Variants in RBM12B observed in about 807,000 individuals in gnomAD.
The protein encoded by RBM12B is RNA binding motif protein 12B.
In RBM12B, 10 loss-of-function variants were observed where a neutral mutation model predicts 34.3. The ratio of observed to expected loss-of-function variants is 0.29; its 90% CI spans 0.18 to 0.49. RBM12B has a LOEUF of 0.49. Among genes scored for constraint, RBM12B ranks in the 20% least tolerant of loss-of-function variants. RBM12B has a pLI of 0.99. For missense variants in RBM12B, 1,139 were observed against 1,262.7 expected (o/e 0.90, Z 1.48); for synonymous variants, 477 against 437.1 (o/e 1.09, Z -1.14).
At position 93,734,307 on chromosome 8, in the gene RBM12B, G is replaced by T; in HGVS notation, c.2104C>A (p.Pro702Thr). 1 of 1,613,570 alleles carries T rather than the reference G, an allele frequency of 6.2e-7. No individual in the cohort carries two copies. Among genetic ancestry groups the T allele is most frequent in the Non-Finnish European group, 8.5e-7 (1 of 1,179,810 alleles). Residue 702 changes from proline (P) to threonine (T), a missense_variant, in exon 4 of 4, where the codon CCC (proline) becomes ACC (threonine). Physicochemically the swap from Pro to Thr is conservative, Grantham distance 38 (BLOSUM62 -1). Transcript: ENST00000520560. ...GAATGCCTGAAATCCTCCTCTGGGG[G>T]CCGCCTGAAGTCATCCTCGGGTGGT... The part of the protein sequence containing the change: ...RRPPEDDFRR[P>T]PEEDFRHSPE...
Position 93,735,496 on chromosome 8 carries a change from T to C in RBM12B, c.915A>G (p.Arg305=). 1 of 1,613,424 alleles carries C rather than the reference T, an allele frequency of 6.2e-7. No individual in the cohort carries two copies. Among genetic ancestry groups the C allele is most frequent in the Non-Finnish European group, 8.5e-7 (1 of 1,179,590 alleles). ...IDERDLRNFF[R]GTDLTDEQIR... ...TCTGTTCATCAGTCAGATCAGTACC[T>C]CTAAAGAAATTTCTTAAATCTCTTT... is the stretch of plus-strand genomic sequence containing the variant. The change falls in exon 4 of 4, where the codon AGA becomes AGG. Residue 305 remains arginine (R), a synonymous_variant. Coordinates refer to ENST00000520560, the MANE Select transcript of RBM12B (RefSeq NM_001377960.1).
In RBM12B at chr8:93,731,866, TAGAA is replaced by T. The variant is rs1057013885; in HGVS notation, c.*1535_*1538del. The T allele has an allele frequency of 1.3e-5, 2 of 152,534 alleles. No homozygotes were observed. The highest frequency in any genetic ancestry group is 2.4e-5 in the African/African-American group (1 of 41,442). 9.4% of individuals were successfully genotyped at this position (152,534 alleles called of 1,614,324 possible). ...TGAGTATCCCAAGAGAAACCCTGGA[TAGAA>T]AGAAACTTTTAAAGTCACTCTTTTT... is the stretch of plus-strand genomic sequence containing the variant. On this transcript the variant is annotated 3_prime_UTR_variant, in exon 4 of 4. Coordinates refer to ENST00000520560, the MANE Select transcript of RBM12B (RefSeq NM_001377960.1).
In RBM12B at chr8:93,734,302, T is replaced by TG. The variant is rs1233162870; in HGVS notation, c.2108dup (p.Glu704ArgfsTer9). On this transcript the variant is annotated frameshift_variant, in exon 4 of 4. Coordinates refer to ENST00000520560, the MANE Select transcript of RBM12B (RefSeq NM_001377960.1). LOFTEE classifies it high-confidence loss of function. Reference sequence around the variant, plus strand: ...CAGGGGAATGCCTGAAATCCTCCTCTGGGGGCCGCCTGAAGTCATCCTCGG... The same window carrying TG: ...CAGGGGAATGCCTGAAATCCTCCTCTGGGGGGCCGCCTGAAGTCATCCTCGG... The TG allele has an allele frequency of 6.2e-7, 1 of 1,609,934 alleles. No individual in the cohort carries two copies. The highest frequency in any genetic ancestry group is 8.5e-7 in the Non-Finnish European group (1 of 1,178,608).
At position 93,734,470 on chromosome 8, in the gene RBM12B, G is replaced by T. The variant is rs3133974; in HGVS notation, c.1941C>A (p.Pro647=). 459,322 of 1,611,934 alleles carry T rather than the reference G, an allele frequency of 0.28. 66,356 individuals carry two copies. Among genetic ancestry groups the T allele is most frequent in the South Asian group, 0.35 (31,415 of 91,030 alleles). ...CAGGGGGTTGCCTGAAGTCCTCCTC[G>T]GGGAGCTGCCTGAAGTCCTCCGTGG... ...RSPTEDFRQL[P]EEDFRQPPEE... Residue 647 remains proline (P), a synonymous_variant, in exon 4 of 4, where the codon CCC becomes CCA. Coordinates refer to ENST00000520560, the MANE Select transcript of RBM12B (RefSeq NM_001377960.1).
chr8:93,728,256 G>A lies in RBM12B; in HGVS notation c.*5149C>T. ...TCAACAAGCAGAAGATGATGAGGAT[G>A]ACGAGTTAGATGTTACAGAAGAAGA... On this transcript the variant is annotated 3_prime_UTR_variant, in exon 4 of 4. Transcript: ENST00000520560. The A allele has an allele frequency of 6.3e-7, 1 of 1,598,766 alleles. No individual in the cohort carries two copies. Among genetic ancestry groups the A allele is most frequent in the Non-Finnish European group, 8.5e-7 (1 of 1,175,666 alleles).
intron 2 of RBM12B, among the ~76,000 whole-genome samples, chr8:93,739,882 G>A (rs975546780): frequency 2.0e-5 from 3 of 152,112 alleles, no homozygotes; most frequent in Non-Finnish European, 4.4e-5. Flanking sequence ...TAAACAATAC[G>A]TAACGTGCCT....
chr8:93,734,681 T>G lies in RBM12B; in HGVS notation c.1730A>C (p.Glu577Ala), dbSNP rs772276076. The stretch of plus-strand genomic sequence containing the variant: ...TTCCTCCCTAGGTCGCCTGAAGTCC[T>G]CTGGGGAGTGCCTGAAGTCCTCCGG... ...FPPEDFRHSPEDFRRPREEDF... is the reference protein window; with the variant it reads ...FPPEDFRHSPADFRRPREEDF... Residue 577 changes from glutamate (E) to alanine (A), a missense_variant, in exon 4 of 4, where the codon GAG becomes GCG. Physicochemically the swap from Glu to Ala is moderately radical, Grantham distance 107. This residue lies in a region of RBM12B where 863 missense variants were observed against 869.5 expected (regional missense o/e 0.99). Coordinates refer to ENST00000520560, the MANE Select transcript of RBM12B (RefSeq NM_001377960.1). 3.7e-6 allele frequency: 6 copies of G among 1,613,258 alleles called. No individual in the cohort carries two copies. The African/African-American group carries it at 8.0e-5, about 22-fold the overall frequency.
rs761844314 is a variant in RBM12B at position 93,733,461 on chromosome 8, T to C, written c.2950A>G (p.Lys984Glu). Reference protein sequence around the residue: ...INYNEAMAAIKDLNDRPVGPR... With the variant: ...INYNEAMAAIEDLNDRPVGPR... The stretch of plus-strand genomic sequence containing the variant: ...CCAACTGGCCTATCATTTAGATCTT[T>C]AATAGCAGCCATAGCTTCATTATAG... The change falls in exon 4 of 4, where the codon AAA (lysine) becomes GAA (glutamate). Residue 984 changes from lysine (K) to glutamate (E), a missense_variant. Physicochemically the swap from Lys to Glu is moderately conservative, Grantham distance 56. Coordinates refer to ENST00000520560, the MANE Select transcript of RBM12B (RefSeq NM_001377960.1). 6.3e-7 allele frequency: 1 copy of C among 1,581,880 alleles called. No homozygotes were observed. Among genetic ancestry groups the C allele is most frequent in the South Asian group, 1.2e-5 (1 of 86,858 alleles).
Position 93,736,307 on chromosome 8 carries a change from A to G in RBM12B, c.104T>C (p.Ile35Thr). The G allele has an allele frequency of 6.2e-7, 1 of 1,614,104 alleles. No individual in the cohort carries two copies. Among genetic ancestry groups the G allele is most frequent in the South Asian group, 1.1e-5 (1 of 91,088 alleles). The change falls in exon 4 of 4, where the codon ATA becomes ACA. Residue 35 changes from isoleucine to threonine, a missense_variant. Ile to Thr is a moderately conservative substitution (Grantham distance 89, BLOSUM62 -1). Transcript: ENST00000520560. Reference sequence around the variant, plus strand: ...AGCCTCCCCAATTTCCCCTCCAATTATATGCACTCCTCCATCAGGAATAGT... The same window carrying G: ...AGCCTCCCCAATTTCCCCTCCAATTGTATGCACTCCTCCATCAGGAATAGT... ...GLTIPDGGVH[I>T]IGGEIGEAFI...
intron 2 of RBM12B, 62 bp downstream of exon 2, chr8:93,740,567 T>C (rs912314855): frequency 2.2e-6 from 1 of 455,200 alleles, no homozygotes; most frequent in Admixed American, 2.4e-5. Context: ...CCTAACGAGC[T>C]GGGCCTGCAG....
chr8:93,728,219 A>G lies in RBM12B; in HGVS notation c.*5186T>C. 2 of 1,589,748 alleles carry G rather than the reference A, an allele frequency of 1.3e-6. No homozygotes were observed. Among genetic ancestry groups the G allele is most frequent in the African/African-American group, 1.4e-5 (1 of 73,542 alleles). ...ACTTTTAACAGGTATCCACTTGTCGACTAAGAAAGGATCAACAAGCAGAAG... is the reference window on the plus strand; with the variant it reads ...ACTTTTAACAGGTATCCACTTGTCGGCTAAGAAAGGATCAACAAGCAGAAG... On this transcript the variant is annotated 3_prime_UTR_variant, in exon 4 of 4. Transcript: ENST00000520560.
At chr8:93,738,376 T>C (rs1812088425) in intron 2 of RBM12B, among the ~76,000 whole-genome samples, 1 of 152,250 alleles carries the variant, frequency 6.6e-6, no homozygotes, top group Non-Finnish European at 1.5e-5. Flanking sequence ...TGTAATTTTT[T>C]AAAGAAGTTT....
chr8:93,740,621 A>ATTTTT lies in RBM12B; in HGVS notation c.-78+7_-78+8insAAAAA. ...GACTACGATGACATAGCAAAGAAAAAAATATACCTATGAAATCCTTCGAGA... is the reference window on the plus strand; with the variant it reads ...GACTACGATGACATAGCAAAGAAAAATTTTTAATATACCTATGAAATCCTTCGAGA... On this transcript the variant is annotated splice_region_variant and intron_variant, in intron 2 of 3. Coordinates refer to ENST00000520560, the MANE Select transcript of RBM12B (RefSeq NM_001377960.1). 2 of 404,444 alleles carry ATTTTT rather than the reference A, an allele frequency of 4.9e-6. No homozygotes were observed. Among genetic ancestry groups the ATTTTT allele is most frequent in the South Asian group, 1.8e-5 (1 of 56,172 alleles). 25.1% of individuals were successfully genotyped at this position (404,444 alleles called of 1,614,324 possible).
rs1384822734 is a variant in RBM12B, at chr8:93,733,948, G to C, written c.2463C>G (p.His821Gln). 2 of 1,612,878 alleles carry C rather than the reference G, an allele frequency of 1.2e-6. No individual in the cohort carries two copies. Among genetic ancestry groups the C allele is most frequent in the South Asian group, 2.2e-5 (2 of 91,010 alleles). Residue 821 changes from histidine to glutamine, a missense_variant, in exon 4 of 4, where the codon CAC becomes CAG. Around this residue, in one of 3 missense-constraint regions of RBM12B, gnomAD observed 863 missense variants for 869.5 expected, o/e 0.99. Coordinates refer to ENST00000520560, the MANE Select transcript of RBM12B (RefSeq NM_001377960.1). ...FRGPPDEDFR[H>Q]PPDEDFRSPQ... ...GGCTCCTGAAGTCCTCATCAGGAGGGTGCCTAAAGTCTTCATCAGGAGGGC... is the reference window on the plus strand; with the variant it reads ...GGCTCCTGAAGTCCTCATCAGGAGGCTGCCTAAAGTCTTCATCAGGAGGGC...
Position 93,729,260 on chromosome 8 carries a change from C to T in RBM12B, c.*4145G>A, listed in dbSNP as rs1811690345. 1 of 152,062 alleles carries T rather than the reference C, an allele frequency of 6.6e-6. No individual in the cohort carries two copies. The highest frequency in any genetic ancestry group is 2.4e-5 in the African/African-American group (1 of 41,414). 9.4% of individuals were successfully genotyped at this position (152,062 alleles called of 1,614,324 possible). A position where few individuals can be genotyped will look rare whatever the true frequency, so the allele number is the denominator to read the frequency against. ...CTTTCTAGAAAGCTTCTGACTTTGT[C>T]AATCATGGCTCTGTTCTTAACAAAG... On this transcript the variant is annotated 3_prime_UTR_variant, in exon 4 of 4. Transcript: ENST00000520560.
chr8:93,734,118 G>T lies in RBM12B; in HGVS notation c.2293C>A (p.Arg765=), dbSNP rs772684843. ...CGCCTGAAATGCTCTGGGGGTGGCC[G>T]CCTGAAGTGCTCTGGGGGTGGCCGC... is the stretch of plus-strand genomic sequence containing the variant. ...FRRPPPEHFR[R]PPPEHFRRPP... Residue 765 remains arginine, a synonymous_variant, in exon 4 of 4, where the codon CGG becomes AGG. Coordinates refer to ENST00000520560, the MANE Select transcript of RBM12B (RefSeq NM_001377960.1). 1 of 1,558,006 alleles carries T rather than the reference G, an allele frequency of 6.4e-7. No homozygotes were observed. The highest frequency in any genetic ancestry group is 8.7e-7 in the Non-Finnish European group (1 of 1,154,010).
At position 93,740,629 on chromosome 8, in the gene RBM12B, C is replaced by T. The variant is rs1041653916; in HGVS notation, c.-78G>A. 9 of 387,602 alleles carry T rather than the reference C, an allele frequency of 2.3e-5. No individual in the cohort carries two copies. The Admixed American group carries it at 2.6e-4, about 11-fold the overall frequency. The allele number at this position is 387,602 out of a possible 1,614,324, so 24.0% of individuals were successfully genotyped here. ...TGACATAGCAAAGAAAAAAATATAC[C>T]TATGAAATCCTTCGAGATCTTCACT... On this transcript the variant is annotated splice_region_variant and 5_prime_UTR_variant, in exon 2 of 4. Coordinates refer to ENST00000520560, the MANE Select transcript of RBM12B (RefSeq NM_001377960.1).
rs764629710 is a variant in RBM12B, at chr8:93,735,955, G to A, written c.456C>T (p.Ala152=). 1.7e-5 allele frequency: 27 copies of A among 1,614,012 alleles called. No individual in the cohort carries two copies. Among genetic ancestry groups the A allele is most frequent in the South Asian group, 7.7e-5 (7 of 91,078 alleles). The change falls in exon 4 of 4, where the codon GCC becomes GCT. Residue 152 remains alanine (A), a synonymous_variant. Transcript: ENST00000520560. ...LRPRKTRPLK[A]ENPYLFLRGL... Reference sequence around the variant, plus strand: ...CTCGTAGAAACAAGTAAGGATTCTCGGCCTTCAATGGCCTTGTCTTTCTTG... The same window carrying A: ...CTCGTAGAAACAAGTAAGGATTCTCAGCCTTCAATGGCCTTGTCTTTCTTG...
At position 93,728,329 on chromosome 8, in the gene RBM12B, T is replaced by C; in HGVS notation, c.*5076A>G. On this transcript the variant is annotated 3_prime_UTR_variant, in exon 4 of 4. Coordinates refer to ENST00000520560, the MANE Select transcript of RBM12B (RefSeq NM_001377960.1). ...CATTTCCATTTTCATCATAAATGAC[T>C]TGAAATCCACAATGACTAAATTGTA... 7.1e-7 allele frequency: 1 copy of C among 1,402,084 alleles called. No homozygotes were observed. The highest frequency in any genetic ancestry group is 9.9e-7 in the Non-Finnish European group (1 of 1,009,792). The allele number at this position is 1,402,084 out of a possible 1,614,324, so 86.9% of individuals were successfully genotyped here.
Sources: gnomAD v4.1 joint callset for allele counts (sites outside exome capture counted in the v4.1 genomes callset) on GRCh38, gnomAD v4.1.1 for gene constraint, gnomAD v4.1.1 regional missense constraint, MANE v1.5 for transcripts, NCBI Gene and HGNC (gene_info 2026-07-23, HGNC 2026-07-21) for gene names.